PHF21A: variants seen among roughly 807,000 people sequenced by gnomAD.
PHF21A encodes the protein BHC80a.
In PHF21A, 11 loss-of-function variants were observed where a neutral mutation model predicts 82.5. The observed-to-expected ratio is 0.13, with a 90% CI of 0.08 to 0.22. The LOEUF is 0.22. PHF21A is among the 10% of genes least tolerant of loss of function. The probability of loss-of-function intolerance (pLI) is 1.00; values close to 1 mark genes in which losing one functional copy is unlikely to be tolerated. For missense variants in PHF21A, 579 were observed against 837.8 expected (o/e 0.69, Z 3.81); for synonymous variants, 297 against 302.8 (o/e 0.98, Z 0.20).
chr11:45,974,556 T>C (rs2093934831), intron 7 of PHF21A, among the ~76,000 whole-genome samples: 1 of 151,984 alleles, frequency 6.6e-6, no homozygotes, highest in South Asian at 2.1e-4. Context: ...TGGGCTCAAG[T>C]AATCCTCCCA....
intron 6 of PHF21A, among the ~76,000 whole-genome samples, chr11:46,026,286 T>C (rs1430248130): frequency 1.3e-5 from 2 of 152,140 alleles, no homozygotes; most frequent in African/African-American, 4.8e-5. Context: ...TGTTTTGTAG[T>C]AAAATGTGCC....
At chr11:45,961,926 C>T (rs143980683) in intron 10 of PHF21A, among the ~76,000 whole-genome samples, 1,702 of 152,290 alleles carry the variant, frequency 0.011, 29 homozygotes, top group African/African-American at 0.039. Flanking sequence ...CACAGTGTAA[C>T]GTGGTTTCTA....
At chr11:45,991,823 C>T (rs780781263) in intron 6 of PHF21A, among the ~76,000 whole-genome samples, 3 of 152,160 alleles carry the variant, frequency 2.0e-5, no homozygotes, top group Non-Finnish European at 4.4e-5. Context: ...ATCTTTACCT[C>T]TATAGCACTG....
chr11:45,955,340 T>C (rs2092553829), intron 10 of PHF21A, among the ~76,000 whole-genome samples: 6 of 151,958 alleles, frequency 3.9e-5, no homozygotes. Context: ...ATTTCCTCCA[T>C]AAAACAAAAC....
chr11:46,020,700 G>A (rs887225220), intron 6 of PHF21A, among the ~76,000 whole-genome samples: 4 of 152,004 alleles, frequency 2.6e-5, no homozygotes, highest in Non-Finnish European at 4.4e-5. Flanking sequence ...CAACTGTACC[G>A]ACTCCAAATT....
At chr11:46,010,207 A>T (rs1290561263) in intron 6 of PHF21A, among the ~76,000 whole-genome samples, 1 of 152,222 alleles carries the variant, frequency 6.6e-6, no homozygotes, top group Non-Finnish European at 1.5e-5. Flanking sequence ...TTCTAAAGAA[A>T]ATTAATAATG....
chr11:45,934,375 G>T, intron 18 of PHF21A, 150 bp from the exon 19 acceptor site: 1 of 749,982 alleles, frequency 1.3e-6, no homozygotes, highest in Non-Finnish European at 2.1e-6. Context: ...GTTCCTCAGT[G>T]GAGTGGGCGG....
At chr11:45,999,681 T>C (rs1409201109) in intron 6 of PHF21A, among the ~76,000 whole-genome samples, 1 of 152,174 alleles carries the variant, frequency 6.6e-6, no homozygotes, top group East Asian at 1.9e-4. Flanking sequence ...CATGCAGAAA[T>C]ACATCTAAAA....
At chr11:45,999,040 T>A (rs993975329) in intron 6 of PHF21A, among the ~76,000 whole-genome samples, 2 of 151,972 alleles carry the variant, frequency 1.3e-5, no homozygotes, top group Non-Finnish European at 2.9e-5. Context: ...TTGGCCAGGC[T>A]GGTCTCAAAC....
At chr11:45,934,253 C>G (rs767842970) in intron 18 of PHF21A, 28 bp from the exon 19 acceptor site, 3 of 1,597,878 alleles carry the variant, frequency 1.9e-6, no homozygotes, top group Non-Finnish European at 1.7e-6. Flanking sequence ...GGCAGTGGCA[C>G]TGAGCCGCCT....
intron 8 of PHF21A, chr11:45,970,138 A>AGGCTTT: frequency 2.3e-6 from 1 of 443,228 alleles, no homozygotes; most frequent in Non-Finnish European, 4.0e-6. Flanking sequence ...CCTAATGGAG[A>AGGCTTT]ACATAGCAGG....
At chr11:45,997,823 A>G (rs2094961729) in intron 6 of PHF21A, among the ~76,000 whole-genome samples, 1 of 152,170 alleles carries the variant, frequency 6.6e-6, no homozygotes, top group Non-Finnish European at 1.5e-5. Context: ...CTCATTCTGC[A>G]ATTTCAACCT....
At chr11:45,958,396 C>CAAAAAAA (rs1159762183) in intron 10 of PHF21A, among the ~76,000 whole-genome samples, 19 of 1,066 alleles carry the variant, frequency 0.018, 9 homozygotes, top group South Asian at 0.14. Flanking sequence ...AACCTGGTCT[C>CAAAAAAA]AAAAAAAAAA....
intron 4 of PHF21A, among the ~76,000 whole-genome samples, chr11:46,079,557 C>G (rs2096765197): frequency 6.6e-6 from 1 of 152,202 alleles, no homozygotes; most frequent in Admixed American, 6.5e-5. Context: ...CCTGTTCATA[C>G]ACAGAGCAAA....
intron 6 of PHF21A, among the ~76,000 whole-genome samples, chr11:46,046,685 T>C (rs555009601): frequency 6.6e-6 from 1 of 152,352 alleles, no homozygotes. Context: ...TATTAAATGA[T>C]GATGGCAGCG....
chr11:46,112,736 C>A (rs559740181), intron 1 of PHF21A, among the ~76,000 whole-genome samples: 1 of 152,024 alleles, frequency 6.6e-6, no homozygotes, highest in Non-Finnish European at 1.5e-5. Context: ...TCCAACCTTA[C>A]GGAACAACTA....
At chr11:45,948,066 C>T (rs1385567460) in intron 14 of PHF21A, among the ~76,000 whole-genome samples, 2 of 152,184 alleles carry the variant, frequency 1.3e-5, no homozygotes, top group East Asian at 1.9e-4. Context: ...TATGCTACTC[C>T]GCTCACTCTG....
chr11:45,967,090 C>T (rs533532518), intron 9 of PHF21A, among the ~76,000 whole-genome samples: 5 of 152,148 alleles, frequency 3.3e-5, no homozygotes, highest in South Asian at 4.2e-4. Context: ...CTTTCCTGGC[C>T]GGGCACAGTG....
At chr11:45,963,033 C>T (rs374699916) in intron 10 of PHF21A, among the ~76,000 whole-genome samples, 2 of 151,970 alleles carry the variant, frequency 1.3e-5, no homozygotes, top group Non-Finnish European at 2.9e-5. Flanking sequence ...GGAAAAGATG[C>T]TTAAGATCTA....
Sources: allele counts gnomAD v4.1 joint callset (sites outside exome capture counted in the v4.1 genomes callset), GRCh38; gene constraint gnomAD v4.1.1; transcripts MANE v1.5; gene names NCBI Gene and HGNC (gene_info 2026-07-23, HGNC 2026-07-21).